FAM171A1: variants seen among roughly 807,000 people sequenced by gnomAD.
FAM171A1 encodes the protein family with sequence similarity 171 member A1, also known as protein FAM171A1.
A neutral mutation model predicts 74.9 loss-of-function variants in FAM171A1; 23 were observed. The observed-to-expected ratio is 0.31, with a 90% CI of 0.22 to 0.44. FAM171A1 has a LOEUF of 0.44. FAM171A1 is among the 20% of genes least tolerant of loss of function. FAM171A1 has a pLI of 1.00. For missense variants in FAM171A1, 1,162 were observed against 1,159.2 expected (o/e 1.00, Z -0.03); for synonymous variants, 527 against 505.7 (o/e 1.04, Z -0.57).
intron 1 of FAM171A1, among the ~76,000 whole-genome samples, chr10:15,305,848 C>T (rs915995026): frequency 6.6e-6 from 1 of 152,064 alleles, no homozygotes; most frequent in East Asian, 1.9e-4. Flanking sequence ...GCCCTAAAAT[C>T]GGAGAAAGGC....
intron 1 of FAM171A1, among the ~76,000 whole-genome samples, chr10:15,342,163 G>A (rs1452867907): frequency 6.6e-6 from 1 of 152,204 alleles, no homozygotes; most frequent in African/African-American, 2.4e-5. Flanking sequence ...CCTGAGAGTC[G>A]TTTCTCAACT....
intron 1 of FAM171A1, among the ~76,000 whole-genome samples, chr10:15,295,416 A>G (rs960111018): frequency 6.6e-6 from 1 of 152,196 alleles, no homozygotes; most frequent in African/African-American, 2.4e-5. Context: ...TACAGCTTCC[A>G]CCTGCTTTCT....
chr10:15,351,584 G>GATGGATGGATGGATGGATGC (rs1564288154), intron 1 of FAM171A1, among the ~76,000 whole-genome samples: 1 of 151,020 alleles, frequency 6.6e-6, no homozygotes, highest in South Asian at 2.1e-4. Context: ...TGGATGGATG[G>GATGGATGGATGGATGGATGC]ATGGATGGAT....
chr10:15,266,992 CT>C (rs1403371779), intron 3 of FAM171A1, among the ~76,000 whole-genome samples: 1 of 152,070 alleles, frequency 6.6e-6, no homozygotes, highest in Non-Finnish European at 1.5e-5. Context: ...ACAGAAAGAA[CT>C]GGAGCTCCAC....
intron 1 of FAM171A1, among the ~76,000 whole-genome samples, chr10:15,335,722 T>G (rs574558613): frequency 5.6e-4 from 85 of 152,352 alleles, no homozygotes; most frequent in African/African-American, 1.8e-3. Context: ...ACATTCTTTG[T>G]GCGTTAGGTT....
intron 1 of FAM171A1, among the ~76,000 whole-genome samples, chr10:15,334,710 G>A (rs941449594): frequency 2.6e-5 from 4 of 152,118 alleles, no homozygotes; most frequent in African/African-American, 9.7e-5. Flanking sequence ...TACACCGATG[G>A]GAACTGTGAA....
intron 2 of FAM171A1, among the ~76,000 whole-genome samples, chr10:15,277,882 G>C (rs1834914385): frequency 6.6e-6 from 1 of 152,084 alleles, no homozygotes; most frequent in Non-Finnish European, 1.5e-5. Context: ...ACAGCCTCCT[G>C]AGTAGCTGGA....
At chr10:15,303,238 T>G (rs990470253) in intron 1 of FAM171A1, among the ~76,000 whole-genome samples, 1 of 152,092 alleles carries the variant, frequency 6.6e-6, no homozygotes, top group Non-Finnish European at 1.5e-5. Flanking sequence ...TTATGAAATA[T>G]TTTTATAATT....
intron 3 of FAM171A1, among the ~76,000 whole-genome samples, chr10:15,268,377 A>G (rs917388715): frequency 6.6e-6 from 1 of 152,130 alleles, no homozygotes; most frequent in African/African-American, 2.4e-5. Context: ...TGAGGTGGCA[A>G]TGCAGATGGA....
chr10:15,371,429 A>G (rs1836147732), upstream of FAM171A1, among the ~76,000 whole-genome samples: 1 of 143,020 alleles, frequency 7.0e-6, no homozygotes, highest in East Asian at 2.2e-4. Context: ...ACCCCCGGCG[A>G]CACTGCCCCG....
chr10:15,372,891 C>G (rs1836167012), upstream of FAM171A1, among the ~76,000 whole-genome samples: 1 of 152,098 alleles, frequency 6.6e-6, no homozygotes, highest in Non-Finnish European at 1.5e-5. Flanking sequence ...TCTCCACCTT[C>G]TCTTCCAACT....
chr10:15,231,752 T>C (rs957656563), intron 5 of FAM171A1, among the ~76,000 whole-genome samples: 2 of 151,988 alleles, frequency 1.3e-5, no homozygotes, highest in Non-Finnish European at 2.9e-5. Context: ...AGGAATCTGG[T>C]CAATTGTCAG....
chr10:15,365,180 C>T (rs11259627), intron 1 of FAM171A1, among the ~76,000 whole-genome samples: 3,833 of 152,174 alleles, frequency 0.025, 160 homozygotes, highest in African/African-American at 0.087. Context: ...ACATTTGCTA[C>T]GTAAATTTAT....
At position 15,212,745 on chromosome 10, in the gene FAM171A1, T is replaced by A. The variant is rs923018711; in HGVS notation, c.*170A>T. The A allele has an allele frequency of 7.4e-6, 7 of 944,160 alleles. No homozygotes were observed. In the East Asian group the frequency reaches 1.5e-4, roughly 20 times the overall value. The allele number at this position is 944,160 out of a possible 1,614,324, so 58.5% of individuals were successfully genotyped here. A position where few individuals can be genotyped will look rare whatever the true frequency, so the allele number is the denominator to read the frequency against. ...CAAAGTCATCCTTTATTCCGAGTAA[T>A]AACTTTAATTCCTTTCTAACATTTA... On this transcript the variant is annotated 3_prime_UTR_variant, in exon 8 of 8. Coordinates refer to ENST00000378116, the MANE Select transcript of FAM171A1 (RefSeq NM_001010924.2).
At chr10:15,355,037 T>C (rs545747125) in intron 1 of FAM171A1, among the ~76,000 whole-genome samples, 6 of 152,360 alleles carry the variant, frequency 3.9e-5, no homozygotes, top group African/African-American at 1.4e-4. Context: ...AAAGAGTTAA[T>C]GAAGCGTCTC....
chr10:15,305,956 G>A (rs1364110947), intron 1 of FAM171A1, among the ~76,000 whole-genome samples: 1 of 152,216 alleles, frequency 6.6e-6, no homozygotes, highest in East Asian at 1.9e-4. Context: ...GGCGAGGAGG[G>A]TGGCCTGGAC....
At chr10:15,340,066 T>C (rs1478378683) in intron 1 of FAM171A1, among the ~76,000 whole-genome samples, 1 of 152,150 alleles carries the variant, frequency 6.6e-6, no homozygotes, top group Non-Finnish European at 1.5e-5. Context: ...GAAGCTACAA[T>C]TCAAGATGAG....
At chr10:15,278,556 A>G (rs1834924558) in intron 2 of FAM171A1, among the ~76,000 whole-genome samples, 1 of 152,234 alleles carries the variant, frequency 6.6e-6, no homozygotes, top group Non-Finnish European at 1.5e-5. Flanking sequence ...ATATGAGGGA[A>G]TATTATTCAC....
At chr10:15,327,309 G>C (rs556831700) in intron 1 of FAM171A1, among the ~76,000 whole-genome samples, 1 of 152,282 alleles carries the variant, frequency 6.6e-6, no homozygotes, top group Admixed American at 6.5e-5. Flanking sequence ...CCTGGCATGT[G>C]CTCAGCGCTC....
Sources: gnomAD v4.1 joint callset for allele counts (sites outside exome capture counted in the v4.1 genomes callset) on GRCh38, gnomAD v4.1.1 for gene constraint, MANE v1.5 for transcripts, NCBI Gene and HGNC (gene_info 2026-07-23, HGNC 2026-07-21) for gene names.